CLCC1: variants seen among roughly 807,000 people sequenced by gnomAD.
CLCC1 encodes chloride channel CLIC-like protein 1.
Under a neutral mutation model 63.3 loss-of-function variants are expected in CLCC1, and 39 were observed. The ratio of observed to expected loss-of-function variants is 0.62; its 90% confidence interval spans 0.48 to 0.81. The LOEUF (loss-of-function observed/expected upper bound fraction) is 0.81, where lower values mean the gene tolerates loss of function less well. CLCC1 is among the 30% of genes least tolerant of loss of function. The probability of loss-of-function intolerance (pLI) is 0.00; values close to 1 mark genes in which losing one functional copy is unlikely to be tolerated. For missense variants in CLCC1, 549 were observed against 669.4 expected, an observed-to-expected ratio of 0.82 and a Z score of 1.98; for synonymous variants, 217 against 239.8, an observed-to-expected ratio of 0.90 and a Z score of 0.88.
chr1:108,957,647 G>A (rs906705939), intron 2 of CLCC1, among the ~76,000 whole-genome samples: 9 of 151,494 alleles, frequency 5.9e-5, no homozygotes, highest in Non-Finnish European at 8.8e-5. Flanking sequence ...GATTTGGGAC[G>A]ATTTCTATGT....
At chr1:108,945,696 G>C (rs1654445858) in intron 5 of CLCC1, among the ~76,000 whole-genome samples, 3 of 152,150 alleles carry the variant, frequency 2.0e-5, no homozygotes, top group Admixed American at 2.0e-4. Context: ...ATCTGTATTA[G>C]TGCAAACAAG....
chr1:108,949,485 T>C (rs1654929544), intron 4 of CLCC1, among the ~76,000 whole-genome samples: 1 of 152,216 alleles, frequency 6.6e-6, no homozygotes, highest in African/African-American at 2.4e-5. Flanking sequence ...CTACATTTGT[T>C]GAGAGTTTAC....
intron 2 of CLCC1, among the ~76,000 whole-genome samples, chr1:108,955,791 A>T (rs1485985617): frequency 6.6e-6 from 1 of 151,566 alleles, no homozygotes; most frequent in Non-Finnish European, 1.5e-5. Flanking sequence ...GTCACTGGAC[A>T]TCAGAACTCC....
At chr1:108,952,997 C>T (rs189773553) in intron 2 of CLCC1, among the ~76,000 whole-genome samples, 1 of 152,170 alleles carries the variant, frequency 6.6e-6, no homozygotes, top group Non-Finnish European at 1.5e-5. Flanking sequence ...TCCTCATTCC[C>T]CCTAGCTACA....
intron 5 of CLCC1, among the ~76,000 whole-genome samples, chr1:108,945,763 T>C (rs1355895773): frequency 1.3e-5 from 2 of 152,228 alleles, no homozygotes; most frequent in Non-Finnish European, 2.9e-5. Flanking sequence ...AAATTACATA[T>C]TTATAACTAC....
At position 108,932,128 on chromosome 1, in the gene CLCC1, G is replaced by C. The variant is rs779695668; in HGVS notation, c.*419C>G. ...TCTCTACTAAAAAATACAAAAATTAGCCAGGCATGGTGATGCACATCTGTA... is the reference window on the plus strand; with the variant it reads ...TCTCTACTAAAAAATACAAAAATTACCCAGGCATGGTGATGCACATCTGTA... On this transcript the variant is annotated 3_prime_UTR_variant, in exon 13 of 13. Transcript: ENST00000369969. 1 of 152,212 alleles carries C rather than the reference G, an allele frequency of 6.6e-6. No individual in the cohort carries two copies. Among genetic ancestry groups the C allele is most frequent in the Non-Finnish European group, 1.5e-5 (1 of 68,058 alleles). 9.4% of individuals were successfully genotyped at this position (152,212 alleles called of 1,614,324 possible).
chr1:108,939,767 A>G lies in CLCC1; in HGVS notation c.910T>C (p.Phe304Leu). 6 of 1,614,010 alleles carry G rather than the reference A, an allele frequency of 3.7e-6. No homozygotes were observed. The highest frequency in any genetic ancestry group is 4.2e-6 in the Non-Finnish European group (5 of 1,179,962). ...AATGGCTCCGTTACAAATGTGGTGA[A>G]TGTAACTGCAAGTGCCTAAAACGAG... ...VPPTKALAVT[F>L]TTFVTEPLKH... The change falls in exon 10 of 13, where the codon TTC (phenylalanine) becomes CTC (leucine). Residue 304 changes from phenylalanine to leucine, a missense_variant. Coordinates refer to ENST00000369969, the MANE Select transcript of CLCC1 (RefSeq NM_001377458.1).
intron 1 of CLCC1, among the ~76,000 whole-genome samples, chr1:108,962,690 G>A (rs1394298845): frequency 2.0e-5 from 3 of 152,084 alleles, no homozygotes; most frequent in Non-Finnish European, 4.4e-5. Flanking sequence ...ACAACACAGG[G>A]AGACCCCTTC....
rs1654132123 is a variant in CLCC1, at chr1:108,943,605, CAAA to C, written c.569_571del (p.Leu190_Cys191delinsArg). 6.3e-7 allele frequency: 1 copy of C among 1,579,218 alleles called. No homozygotes were observed. Among genetic ancestry groups the C allele is most frequent in the Non-Finnish European group, 8.6e-7 (1 of 1,167,458 alleles). The stretch of plus-strand genomic sequence containing the variant: ...CACTAAAACCACGATGCAGAGCAGA[CAAA>C]GAAGTACCTTAAAACAGAGAGAAGC... On this transcript the variant is annotated inframe_deletion, in exon 7 of 13. Coordinates refer to ENST00000369969, the MANE Select transcript of CLCC1 (RefSeq NM_001377458.1).
chr1:108,942,815 AAAT>A (rs1557894251), intron 7 of CLCC1, among the ~76,000 whole-genome samples: 2 of 152,236 alleles, frequency 1.3e-5, no homozygotes, highest in Admixed American at 6.5e-5. Context: ...AATTTTTAAA[AAAT>A]AATATTTTGG....
rs1391584819 is a variant in CLCC1 at position 108,931,464 on chromosome 1, G to T, written c.*1083C>A. 2.7e-5 allele frequency: 42 copies of T among 1,550,624 alleles called. No individual in the cohort carries two copies. The highest frequency in any genetic ancestry group is 3.7e-5 in the Non-Finnish European group (42 of 1,147,038). Reference sequence around the variant, plus strand: ...ACAAGTTGCCAACTTGTTTCACTCTGCTTGCTTCAGACTGTGCACAGCTGG... The same window carrying T: ...ACAAGTTGCCAACTTGTTTCACTCTTCTTGCTTCAGACTGTGCACAGCTGG... On this transcript the variant is annotated 3_prime_UTR_variant, in exon 13 of 13. Transcript: ENST00000369969.
intron 5 of CLCC1, among the ~76,000 whole-genome samples, chr1:108,947,056 G>A (rs916121579): frequency 6.6e-6 from 1 of 151,956 alleles, no homozygotes; most frequent in Non-Finnish European, 1.5e-5. Flanking sequence ...CCAGCTACTC[G>A]GGAGGCTGAG....
chr1:108,941,092 C>A (rs534438793), intron 8 of CLCC1, among the ~76,000 whole-genome samples: 9 of 152,290 alleles, frequency 5.9e-5, no homozygotes, highest in African/African-American at 9.6e-5. Context: ...TAATAAACTT[C>A]TATTGAGAAT....
chr1:108,961,831 C>G (rs1259268645), intron 2 of CLCC1, among the ~76,000 whole-genome samples: 2 of 151,972 alleles, frequency 1.3e-5, no homozygotes, highest in African/African-American at 4.8e-5. Context: ...TGCACTCCAG[C>G]CTGGGCAACA....
intron 2 of CLCC1, among the ~76,000 whole-genome samples, chr1:108,960,926 G>GA (rs1656546265): frequency 6.6e-6 from 1 of 152,024 alleles, no homozygotes; most frequent in Non-Finnish European, 1.5e-5. Flanking sequence ...GAGCTCAAAG[G>GA]ATCCCCCTGC....
At chr1:108,955,159 A>G (rs980581765) in intron 2 of CLCC1, among the ~76,000 whole-genome samples, 2 of 151,006 alleles carry the variant, frequency 1.3e-5, no homozygotes, top group African/African-American at 4.9e-5. Flanking sequence ...CTTAAGTTAC[A>G]GGGATACCAG....
intron 8 of CLCC1, among the ~76,000 whole-genome samples, 169 bp downstream of exon 8, chr1:108,941,236 G>A (rs915949555): frequency 3.9e-5 from 6 of 152,182 alleles, no homozygotes; most frequent in South Asian, 4.1e-4. Flanking sequence ...GACTTTAGAT[G>A]AGCATAAAAA....
At chr1:108,937,538 G>A in intron 10 of CLCC1, 120 bp from the exon 11 acceptor site, 1 of 838,506 alleles carries the variant, frequency 1.2e-6, no homozygotes, top group Non-Finnish European at 1.8e-6. Context: ...GGCATTTATA[G>A]ACATAAACAT....
Position 108,931,552 on chromosome 1 carries a change from C to A in CLCC1, c.*995G>T. The A allele has an allele frequency of 4.1e-6, 6 of 1,464,222 alleles. No individual in the cohort carries two copies. The highest frequency in any genetic ancestry group is 2.8e-5 in the South Asian group (2 of 72,632). The allele number at this position is 1,464,222 out of a possible 1,614,324, so 90.7% of individuals were successfully genotyped here. A position where few individuals can be genotyped will look rare whatever the true frequency, so the allele number is the denominator to read the frequency against. ...AAGTCATTCAGGTGATTTGGATGGGCAAATAGAACTATTTCTCTAATGGCC... is the reference window on the plus strand; with the variant it reads ...AAGTCATTCAGGTGATTTGGATGGGAAAATAGAACTATTTCTCTAATGGCC... On this transcript the variant is annotated 3_prime_UTR_variant, in exon 13 of 13. Coordinates refer to ENST00000369969, the MANE Select transcript of CLCC1 (RefSeq NM_001377458.1).
Sources: gnomAD v4.1 joint callset for allele counts (sites outside exome capture counted in the v4.1 genomes callset) on GRCh38, gnomAD v4.1.1 for gene constraint, MANE v1.5 for transcripts, NCBI Gene and HGNC (gene_info 2026-07-23, HGNC 2026-07-21) for gene names.